KCNJ16: variants seen among roughly 807,000 people sequenced by gnomAD.
KCNJ16 encodes potassium inwardly rectifying channel subfamily J member 16.
A neutral mutation model predicts 18.5 loss-of-function variants in KCNJ16; 15 were observed. The ratio of observed to expected loss-of-function variants is 0.81; its 90% CI spans 0.54 to 1.25. The LOEUF is 1.25. Among genes scored for constraint, KCNJ16 ranks in the 50% most tolerant of loss-of-function variants. The pLI is 0.00. For synonymous variants in KCNJ16, 174 were observed against 186.5 expected (o/e 0.93, Z 0.55); for missense variants, 523 against 525.7 (o/e 0.99, Z 0.05).
chr17:70,084,529 A>G (rs1331288372), intron 1 of KCNJ16, among the ~76,000 whole-genome samples: 2 of 152,132 alleles, frequency 1.3e-5, no homozygotes, highest in African/African-American at 2.4e-5. Context: ...GATTACCTCT[A>G]TCTTTAAAAG....
chr17:70,094,692 G>A (rs2072272248), intron 1 of KCNJ16, among the ~76,000 whole-genome samples: 1 of 152,136 alleles, frequency 6.6e-6, no homozygotes, highest in African/African-American at 2.4e-5. Context: ...TGATAGGGCT[G>A]AAATTTATTA....
intron 1 of KCNJ16, among the ~76,000 whole-genome samples, chr17:70,084,988 T>G (rs1431654602): frequency 6.6e-6 from 1 of 152,192 alleles, no homozygotes; most frequent in Non-Finnish European, 1.5e-5. Flanking sequence ...CCTCAGTTTA[T>G]CTTCCTTCAA....
Position 70,122,824 on chromosome 17 carries a change from T to C in KCNJ16, c.-190-8055T>C, listed in dbSNP as rs976945513. Among the ~76,000 whole-genome samples the C allele has an allele frequency of 1.2e-4, 18 of 152,264 alleles. No homozygotes were observed. The East Asian group carries it at 3.5e-3, about 29-fold the overall frequency. On this transcript the variant is annotated intron_variant, in intron 2 of 3. Coordinates refer to ENST00000392671, the MANE Select transcript of KCNJ16 (RefSeq NM_170741.4). ...GTAACTCTGCGTCGCTTCCTCAAGA[T>C]TCAGCCTAGTTCGTGAAGTTCTGAT...
intron 2 of KCNJ16, among the ~76,000 whole-genome samples, chr17:70,105,765 G>C (rs1256641522): frequency 1.3e-5 from 2 of 152,122 alleles, no homozygotes; most frequent in Non-Finnish European, 2.9e-5. Context: ...TGTTGCTATG[G>C]AGTAAATAAC....
intron 1 of KCNJ16, chr17:70,096,847 G>C (rs906315886): frequency 2.5e-6 from 1 of 397,600 alleles, no homozygotes; most frequent in Non-Finnish European, 4.4e-6. Flanking sequence ...AACTTGGTCA[G>C]GGTTTTTGGA....
Position 70,126,367 on chromosome 17 carries a change from C to A in KCNJ16, c.-190-4512C>A, listed in dbSNP as rs555163717. ...GGGAATAAAACCCAGCAGGTCTGAG[C>A]TTCATTTTACCCAGCTCCTACTCCA... On this transcript the variant is annotated intron_variant, in intron 2 of 3. Coordinates refer to ENST00000392671, the MANE Select transcript of KCNJ16 (RefSeq NM_170741.4). Among the ~76,000 whole-genome samples, 107 of 152,264 alleles carry A rather than the reference C, an allele frequency of 7.0e-4. 4 individuals carry two copies. In the South Asian group the frequency reaches 0.022, roughly 31 times the overall value.
chr17:70,112,327 T>C (rs1283699107), intron 2 of KCNJ16, among the ~76,000 whole-genome samples: 1 of 152,148 alleles, frequency 6.6e-6, no homozygotes, highest in Non-Finnish European at 1.5e-5. Flanking sequence ...TATTCACAAG[T>C]TGTTGACAAT....
chr17:70,114,116 T>G (rs1598153324), intron 2 of KCNJ16, among the ~76,000 whole-genome samples: 1 of 152,168 alleles, frequency 6.6e-6, no homozygotes, highest in South Asian at 2.1e-4. Context: ...AATTGAGACA[T>G]CAGCCAATAA....
intron 2 of KCNJ16, among the ~76,000 whole-genome samples, chr17:70,113,553 C>T (rs765903538): frequency 6.6e-6 from 1 of 152,158 alleles, no homozygotes; most frequent in Non-Finnish European, 1.5e-5. Flanking sequence ...AAACTCTTCC[C>T]GTGAAGGTTT....
intron 1 of KCNJ16, among the ~76,000 whole-genome samples, chr17:70,092,566 T>TATAGATAG (rs71149816): frequency 0.025 from 2,585 of 102,620 alleles, 35 homozygotes; most frequent in Non-Finnish European, 0.035. Context: ...AGATGATAGA[T>TATAGATAG]ATAGATAGAT....
intron 1 of KCNJ16, among the ~76,000 whole-genome samples, chr17:70,094,128 C>T (rs6501369): frequency 0.85 from 129,148 of 152,196 alleles, 54,865 homozygotes; most frequent in East Asian, 0.96. Flanking sequence ...TCTTGTGCCC[C>T]AGACAGCCCT....
At chr17:70,076,826 T>C (rs1175754792) in intron 1 of KCNJ16, among the ~76,000 whole-genome samples, 1 of 152,152 alleles carries the variant, frequency 6.6e-6, no homozygotes, top group Non-Finnish European at 1.5e-5. Context: ...GCATTGAAAG[T>C]AAATATTTGG....
intron 1 of KCNJ16, among the ~76,000 whole-genome samples, chr17:70,086,214 G>T (rs896638863): frequency 6.6e-6 from 1 of 152,196 alleles, no homozygotes; most frequent in African/African-American, 2.4e-5. Flanking sequence ...GTGAGAAAGT[G>T]AAGCAATCTT....
At chr17:70,092,374 G>A (rs1453063377) in intron 1 of KCNJ16, among the ~76,000 whole-genome samples, 1 of 152,022 alleles carries the variant, frequency 6.6e-6, no homozygotes. Flanking sequence ...TAGCATTTCT[G>A]AAAAACAAAC....
intron 1 of KCNJ16, among the ~76,000 whole-genome samples, chr17:70,099,164 T>C (rs1290221173): frequency 6.6e-6 from 1 of 152,210 alleles, no homozygotes; most frequent in Non-Finnish European, 1.5e-5. Flanking sequence ...TGATGCCAGT[T>C]GTACTTCTGA....
intron 1 of KCNJ16, among the ~76,000 whole-genome samples, chr17:70,080,689 C>T (rs982801260): frequency 2.6e-5 from 4 of 151,976 alleles, no homozygotes; most frequent in Non-Finnish European, 5.9e-5. Context: ...TGGCTCTGCC[C>T]CAGAAAAATA....
intron 2 of KCNJ16, among the ~76,000 whole-genome samples, chr17:70,111,913 T>A (rs112557075): frequency 0.012 from 1,762 of 152,266 alleles, 38 homozygotes; most frequent in African/African-American, 0.039. Context: ...TTTCTGTATA[T>A]AAATTACCCA....
Position 70,133,151 on chromosome 17 carries a change from A to G in KCNJ16, c.1064A>G (p.Lys355Arg), listed in dbSNP as rs767078983. ...AAAGACCAGCAGCTCCACATAGAAA[A>G]AGCACCACCAGTTCGAGAATCCTGC... ...DWKDQQLHIEKAPPVRESCTS... is the reference protein window; with the variant it reads ...DWKDQQLHIERAPPVRESCTS... Residue 355 changes from lysine (K) to arginine (R), a missense_variant, in exon 4 of 4, where the codon AAA (lysine) becomes AGA (arginine). Physicochemically the swap from Lys to Arg is conservative, Grantham distance 26. Coordinates refer to ENST00000392671, the MANE Select transcript of KCNJ16 (RefSeq NM_170741.4). 1.2e-5 allele frequency: 19 copies of G among 1,614,056 alleles called. No homozygotes were observed. Among genetic ancestry groups the G allele is most frequent in the Non-Finnish European group, 1.6e-5 (19 of 1,180,038 alleles).
intron 1 of KCNJ16, among the ~76,000 whole-genome samples, chr17:70,099,047 A>G (rs6501373): frequency 0.88 from 134,250 of 151,748 alleles, 59,488 homozygotes; most frequent in East Asian, 0.96. Flanking sequence ...CACAGAAATG[A>G]AAAACTCTAC....
Sources: gnomAD v4.1 joint callset for allele counts (sites outside exome capture counted in the v4.1 genomes callset) on GRCh38, gnomAD v4.1.1 for gene constraint, MANE v1.5 for transcripts, NCBI Gene and HGNC (gene_info 2026-07-23, HGNC 2026-07-21) for gene names.